ITGAV: variants seen among roughly 807,000 people sequenced by gnomAD.
ITGAV encodes the protein integrin subunit alpha V.
Under a neutral mutation model 143.8 loss-of-function variants are expected in ITGAV, and 76 were observed. The ratio of observed to expected loss-of-function variants is 0.53; its 90% CI spans 0.44 to 0.64. The LOEUF (loss-of-function observed/expected upper bound fraction) is 0.64, where lower values mean the gene tolerates loss of function less well. ITGAV is among the 30% of genes least tolerant of loss of function. ITGAV has a pLI of 0.00. For synonymous variants in ITGAV, 453 were observed against 446.7 expected (o/e 1.01, Z -0.18); for missense variants, 1,193 against 1,274.7 (o/e 0.94, Z 0.98).
chr2:186,624,863 G>T (rs923792967), intron 3 of ITGAV, among the ~76,000 whole-genome samples: 3 of 151,746 alleles, frequency 2.0e-5, no homozygotes, highest in Non-Finnish European at 4.4e-5. Flanking sequence ...GTGTTACTTA[G>T]TTCAAAAGCT....
intron 12 of ITGAV, among the ~76,000 whole-genome samples, chr2:186,643,315 G>T (rs1472919683): frequency 1.3e-5 from 2 of 152,088 alleles, no homozygotes; most frequent in African/African-American, 4.8e-5. Context: ...TTTACAAAGG[G>T]CTAAAATATA....
chr2:186,642,110 T>C (rs560656060), intron 12 of ITGAV, among the ~76,000 whole-genome samples: 57 of 152,340 alleles, frequency 3.7e-4, no homozygotes, highest in African/African-American at 1.3e-3. Flanking sequence ...ATTAAAAGTA[T>C]AAGCCTATTC....
At position 186,638,558 on chromosome 2, in the gene ITGAV, T is replaced by G. The variant is rs1247879401; in HGVS notation, c.903+93T>G. On this transcript the variant is annotated intron_variant, in intron 10 of 29. Coordinates refer to ENST00000261023, the MANE Select transcript of ITGAV (RefSeq NM_002210.5). ...GCGAAATAAAACTGTAAAAATGAACTATAATCTCATCAAATAGATAATTCT... is the reference window on the plus strand; with the variant it reads ...GCGAAATAAAACTGTAAAAATGAACGATAATCTCATCAAATAGATAATTCT... The G allele has an allele frequency of 2.7e-5, 23 of 861,448 alleles. No individual in the cohort carries two copies. In the East Asian group the frequency reaches 5.4e-4, roughly 20 times the overall value. The allele number at this position is 861,448 out of a possible 1,614,324, so 53.4% of individuals were successfully genotyped here. A position where few individuals can be genotyped will look rare whatever the true frequency, so the allele number is the denominator to read the frequency against.
At position 186,677,881 on chromosome 2, in the gene ITGAV, ATT is replaced by A. The variant is rs975503612; in HGVS notation, c.*592_*593del. The A allele has an allele frequency of 1.3e-5, 2 of 152,540 alleles. No homozygotes were observed. Among genetic ancestry groups the A allele is most frequent in the Non-Finnish European group, 2.9e-5 (2 of 67,992 alleles). The allele number at this position is 152,540 out of a possible 1,614,324, so 9.4% of individuals were successfully genotyped here. On this transcript the variant is annotated 3_prime_UTR_variant, in exon 30 of 30. Transcript: ENST00000261023. ...TTGCTTTTAATAACAAAGGTACAAT[ATT>A]TTGTTTTAGTATGAAAATCTGGTAG...
At chr2:186,669,131 A>G (rs534427205) in intron 25 of ITGAV, among the ~76,000 whole-genome samples, 14 of 152,332 alleles carry the variant, frequency 9.2e-5, no homozygotes, top group African/African-American at 3.1e-4. Flanking sequence ...CCACATCTTC[A>G]TAGAGTGCTT....
intron 2 of ITGAV, among the ~76,000 whole-genome samples, chr2:186,618,624 G>T (rs1687434955): frequency 6.6e-6 from 1 of 152,174 alleles, no homozygotes; most frequent in South Asian, 2.1e-4. Flanking sequence ...CGTTTGTTAA[G>T]AAAAACATTC....
intron 12 of ITGAV, among the ~76,000 whole-genome samples, chr2:186,643,822 G>A (rs1688175116): frequency 6.6e-6 from 1 of 152,198 alleles, no homozygotes; most frequent in Non-Finnish European, 1.5e-5. Flanking sequence ...TGATAGCGAA[G>A]AGAGAAGATG....
At chr2:186,601,323 T>C (rs931864869) in intron 1 of ITGAV, among the ~76,000 whole-genome samples, 3 of 151,894 alleles carry the variant, frequency 2.0e-5, no homozygotes, top group African/African-American at 2.4e-5. Context: ...TAGCTTAGCA[T>C]GGTGGCATAT....
chr2:186,656,118 C>A (rs1688576172), intron 16 of ITGAV, 129 bp from the exon 17 acceptor site: 1 of 561,648 alleles, frequency 1.8e-6, no homozygotes, highest in East Asian at 3.3e-5. Context: ...AATGTAATGA[C>A]ATTTTAAATT....
intron 2 of ITGAV, among the ~76,000 whole-genome samples, chr2:186,616,896 AT>A (rs1317596157): frequency 6.6e-6 from 1 of 151,882 alleles, no homozygotes; most frequent in African/African-American, 2.4e-5. Flanking sequence ...TTTATTGGAT[AT>A]TTTTTTTCAA....
At chr2:186,616,789 G>T (rs1687376945) in intron 2 of ITGAV, among the ~76,000 whole-genome samples, 1 of 151,816 alleles carries the variant, frequency 6.6e-6, no homozygotes, top group Admixed American at 6.6e-5. Context: ...AGACATAGGA[G>T]GTACCCATGA....
chr2:186,625,387 G>A (rs1687643920), intron 3 of ITGAV, 86 bp from the exon 4 acceptor site: 2 of 759,876 alleles, frequency 2.6e-6, no homozygotes, highest in South Asian at 1.7e-5. Context: ...AGAGAAAGTG[G>A]TATTATATTC....
intron 8 of ITGAV, 46 bp from the exon 9 acceptor site, chr2:186,638,231 A>C: frequency 6.4e-7 from 1 of 1,563,318 alleles, no homozygotes; most frequent in Non-Finnish European, 8.8e-7. Flanking sequence ...TGCAACTTCC[A>C]GTGTTGTCCT....
Position 186,678,234 on chromosome 2 carries a change from G to C in ITGAV, c.*942G>C, listed in dbSNP as rs1689267147. ...TAGTAAGTATTACATTCTTAGAGTA[G>C]AGCAGAGTTTTTAGTTAGTATTAAT... On this transcript the variant is annotated 3_prime_UTR_variant, in exon 30 of 30. Coordinates refer to ENST00000261023, the MANE Select transcript of ITGAV (RefSeq NM_002210.5). 1 of 152,828 alleles carries C rather than the reference G, an allele frequency of 6.5e-6. No individual in the cohort carries two copies. Among genetic ancestry groups the C allele is most frequent in the African/African-American group, 2.4e-5 (1 of 41,414 alleles). The allele number at this position is 152,828 out of a possible 1,614,324, so 9.5% of individuals were successfully genotyped here. A position where few individuals can be genotyped will look rare whatever the true frequency, so the allele number is the denominator to read the frequency against.
chr2:186,603,329 A>G (rs1686966010), intron 2 of ITGAV, among the ~76,000 whole-genome samples: 1 of 152,204 alleles, frequency 6.6e-6, no homozygotes, highest in Non-Finnish European at 1.5e-5. Flanking sequence ...TGATTCTGGG[A>G]AATATGTCAG....
intron 14 of ITGAV, among the ~76,000 whole-genome samples, chr2:186,650,111 T>C (rs1688384232): frequency 6.6e-6 from 1 of 152,236 alleles, no homozygotes; most frequent in African/African-American, 2.4e-5. Context: ...TCATACAATG[T>C]AATTATCAAA....
chr2:186,632,436 G>C (rs1687837606), intron 5 of ITGAV, among the ~76,000 whole-genome samples: 1 of 151,862 alleles, frequency 6.6e-6, no homozygotes, highest in Non-Finnish European at 1.5e-5. Flanking sequence ...ACGTAGCCAA[G>C]GCAAAAGATT....
rs1258877396 is a variant in ITGAV, at chr2:186,657,240, A to G, written c.1719+839A>G. 3.9e-5 allele frequency among the ~76,000 whole-genome samples: 6 copies of G among 152,198 alleles called. No homozygotes were observed. In the East Asian group the frequency reaches 9.6e-4, roughly 24 times the overall value. ...TATTTTATTTAAAGGAAAAAACAAA[A>G]CAAGACAAAAACATCAGTAAATATT... is the stretch of plus-strand genomic sequence containing the variant. On this transcript the variant is annotated intron_variant, in intron 17 of 29. Coordinates refer to ENST00000261023, the MANE Select transcript of ITGAV (RefSeq NM_002210.5).
intron 20 of ITGAV, 139 bp from the exon 21 acceptor site, chr2:186,664,987 C>T: frequency 1.6e-6 from 1 of 631,368 alleles, no homozygotes. Flanking sequence ...GGCAATTGTA[C>T]CCAATTCTGG....
Sources: allele counts gnomAD v4.1 joint callset (sites outside exome capture counted in the v4.1 genomes callset), GRCh38; gene constraint gnomAD v4.1.1; transcripts MANE v1.5; gene names NCBI Gene and HGNC (gene_info 2026-07-23, HGNC 2026-07-21).